The following RAC1 variants were observed in gnomAD, a reference collection of about 807,000 sequenced individuals.
RAC1 encodes ras-related C3 botulinum toxin substrate 1.
Under a neutral mutation model 25.2 loss-of-function variants are expected in RAC1, and 2 were observed. The ratio of observed to expected loss-of-function variants is 0.08; its 90% CI spans 0.03 to 0.25. RAC1 has a LOEUF of 0.25. RAC1 is among the 10% of genes least tolerant of loss of function. The pLI, the probability that RAC1 is intolerant of heterozygous loss-of-function variation, is 1.00. For synonymous variants in RAC1, 88 were observed against 94.0 expected (o/e 0.94, Z 0.37); for missense variants, 50 against 235.7 (o/e 0.21, Z 5.16).
chr7:6,400,117 T>G lies in RAC1; in HGVS notation c.226-9T>G, dbSNP rs758430618. On this transcript the variant is annotated splice_polypyrimidine_tract_variant and intron_variant, in intron 3 of 5. Transcript: ENST00000348035. ...TGTCTAAATGTTTCCCTGTGTTTCC[T>G]TTTTGTAGGATGTGTTCTTAATTTG... 8 of 1,607,642 alleles carry G rather than the reference T, an allele frequency of 5.0e-6. No homozygotes were observed. Among genetic ancestry groups the G allele is most frequent in the Non-Finnish European group, 6.8e-6 (8 of 1,174,374 alleles).
intron 3 of RAC1, among the ~76,000 whole-genome samples, chr7:6,399,621 C>T (rs533737230): frequency 6.6e-6 from 1 of 152,192 alleles, no homozygotes; most frequent in African/African-American, 2.4e-5. Context: ...GTGCCACTTA[C>T]ACACTAAGTC....
At chr7:6,395,765 A>G (rs1448830864) in intron 3 of RAC1, among the ~76,000 whole-genome samples, 1 of 151,160 alleles carries the variant, frequency 6.6e-6, no homozygotes, top group Admixed American at 6.6e-5. Context: ...TGACCCTTTT[A>G]CAGGATTACA....
chr7:6,396,096 C>T (rs865996491), intron 3 of RAC1, among the ~76,000 whole-genome samples: 2 of 152,018 alleles, frequency 1.3e-5, no homozygotes, highest in South Asian at 2.1e-4. Context: ...AACAGGCACG[C>T]GGGAGTCTGG....
chr7:6,399,962 AG>A, intron 3 of RAC1, 163 bp from the exon 4 acceptor site: 1 of 628,044 alleles, frequency 1.6e-6, no homozygotes, highest in Non-Finnish European at 2.9e-6. Flanking sequence ...TTGGTTTGGG[AG>A]CCCTCTGACA....
intron 2 of RAC1, 36 bp downstream of exon 2, chr7:6,387,319 T>C: frequency 1.4e-6 from 2 of 1,390,290 alleles, no homozygotes; most frequent in Non-Finnish European, 2.0e-6. Flanking sequence ...CCTGTTTGTG[T>C]TACGGGTTTC....
At chr7:6,393,654 G>T (rs1783151301) in intron 3 of RAC1, among the ~76,000 whole-genome samples, 1 of 152,342 alleles carries the variant, frequency 6.6e-6, no homozygotes, top group Middle Eastern at 3.4e-3. Flanking sequence ...TGTTTCCTCT[G>T]TGTGAGACTG....
At chr7:6,394,939 T>C (rs35645423) in intron 3 of RAC1, among the ~76,000 whole-genome samples, 49 of 152,186 alleles carry the variant, frequency 3.2e-4, no homozygotes, top group Admixed American at 1.2e-3. Flanking sequence ...ACTGCAAGCT[T>C]CACCTCCTGG....
At chr7:6,396,270 G>A (rs12536544) in intron 3 of RAC1, among the ~76,000 whole-genome samples, 36,864 of 152,028 alleles carry the variant, frequency 0.24, 5,623 homozygotes, top group East Asian at 0.74. Flanking sequence ...TGAGTGTTAC[G>A]AGGACGGGGA....
intron 1 of RAC1, among the ~76,000 whole-genome samples, chr7:6,378,240 A>G (rs1371079974): frequency 6.6e-6 from 1 of 151,920 alleles, no homozygotes; most frequent in Non-Finnish European, 1.5e-5. Context: ...AGAGACTGAT[A>G]ATACACCCGT....
At chr7:6,390,810 A>G (rs925496750) in intron 2 of RAC1, among the ~76,000 whole-genome samples, 3 of 151,944 alleles carry the variant, frequency 2.0e-5, no homozygotes, top group Non-Finnish European at 4.4e-5. Flanking sequence ...CCTTATGGGG[A>G]AAAAAAGTCA....
rs886903274 is a variant in RAC1 at position 6,396,856 on chromosome 7, T to C, written c.226-3270T>C. Among the ~76,000 whole-genome samples the C allele has an allele frequency of 6.6e-5, 10 of 151,948 alleles. No homozygotes were observed. The East Asian group carries it at 9.7e-4, about 15-fold the overall frequency. On this transcript the variant is annotated intron_variant, in intron 3 of 5. Coordinates refer to ENST00000348035, the MANE Select transcript of RAC1 (RefSeq NM_006908.5). ...CCATCCTGGCTAACACGTTGAAACCTCGTCTCTACTAAAAATACAAAAAAT... is the reference window on the plus strand; with the variant it reads ...CCATCCTGGCTAACACGTTGAAACCCCGTCTCTACTAAAAATACAAAAAAT...
rs867186157 is a variant in RAC1 at position 6,389,948 on chromosome 7, T to A, written c.108-1976T>A. ...TTCCTTCCTTCCTTCCCTCCCTCCC[T>A]CTCTCCCTCCCTTCCTCCCTTCCTT... On this transcript the variant is annotated intron_variant, in intron 2 of 5. Transcript: ENST00000348035. Among the ~76,000 whole-genome samples the A allele has an allele frequency of 2.6e-4, 36 of 138,154 alleles. No homozygotes were observed. The Middle Eastern group carries it at 0.014, about 55-fold the overall frequency. 90.6% of individuals were successfully genotyped at this position (138,154 alleles called of 152,430 possible). A position where few individuals can be genotyped will look rare whatever the true frequency, so the allele number is the denominator to read the frequency against.
intron 1 of RAC1, among the ~76,000 whole-genome samples, chr7:6,386,618 C>A (rs1180714196): frequency 6.6e-6 from 1 of 151,624 alleles, no homozygotes; most frequent in Non-Finnish European, 1.5e-5. Flanking sequence ...CCCATCTCTA[C>A]TAAAAATACA....
chr7:6,397,298 TA>T (rs1186865253), intron 3 of RAC1, among the ~76,000 whole-genome samples: 1 of 144,670 alleles, frequency 6.9e-6, no homozygotes, highest in African/African-American at 2.6e-5. Flanking sequence ...GAAATTAAAA[TA>T]ATTTTCTCAT....
intron 1 of RAC1, among the ~76,000 whole-genome samples, chr7:6,382,634 G>A (rs1045190298): frequency 6.6e-6 from 1 of 152,194 alleles, no homozygotes; most frequent in Non-Finnish European, 1.5e-5. Context: ...GAGGCCGATG[G>A]GGTGGATCTC....
intron 2 of RAC1, among the ~76,000 whole-genome samples, chr7:6,389,127 G>A (rs1783009141): frequency 6.6e-6 from 1 of 151,714 alleles, no homozygotes; most frequent in South Asian, 2.1e-4. Flanking sequence ...GCTTGAACCC[G>A]GGAAGCAGAG....
At chr7:6,396,915 A>C (rs956162092) in intron 3 of RAC1, among the ~76,000 whole-genome samples, 6 of 152,088 alleles carry the variant, frequency 3.9e-5, no homozygotes, top group African/African-American at 1.4e-4. Flanking sequence ...CTGTGGTCCC[A>C]GCTACTCGGG....
chr7:6,398,766 C>T (rs1352303813), intron 3 of RAC1: 1 of 1,551,694 alleles, frequency 6.4e-7, no homozygotes, highest in Non-Finnish European at 8.9e-7. Flanking sequence ...TCTCTGTTCT[C>T]TCATTTCACT....
chr7:6,402,064 CTT>C (rs1562471184), intron 5 of RAC1, 37 bp downstream of exon 5: 2 of 1,595,546 alleles, frequency 1.3e-6, no homozygotes, highest in East Asian at 4.5e-5. Context: ...CCTTGTACCT[CTT>C]TTATTGTAGT....
Sources: gnomAD v4.1 joint callset for allele counts (sites outside exome capture counted in the v4.1 genomes callset) on GRCh38, gnomAD v4.1.1 for gene constraint, MANE v1.5 for transcripts, NCBI Gene and HGNC (gene_info 2026-07-23, HGNC 2026-07-21) for gene names.